The following LARGE1 variants were observed in gnomAD, a reference collection of about 807,000 sequenced individuals.
LARGE1 encodes the protein LARGE xylosyl- and glucuronyltransferase 1, also known as xylosyl- and glucuronyltransferase LARGE1.
Under a neutral mutation model 87.6 loss-of-function variants are expected in LARGE1, and 43 were observed. The observed-to-expected ratio is 0.49, with a 90% CI of 0.38 to 0.63. LARGE1 has a LOEUF of 0.63. Ranked by LOEUF, LARGE1 falls within the 30% of genes least tolerant of loss-of-function variation. The pLI, the probability that LARGE1 is intolerant of heterozygous loss-of-function variation, is 0.00. For missense variants in LARGE1, 802 were observed against 1,000.2 expected (o/e 0.80, Z 2.67); for synonymous variants, 434 against 394.6 (o/e 1.10, Z -1.18).
chr22:33,862,120 C>T (rs1223373151), intron 1 of LARGE1, among the ~76,000 whole-genome samples: 1 of 152,106 alleles, frequency 6.6e-6, no homozygotes, highest in East Asian at 1.9e-4. Flanking sequence ...CTCACCTTCC[C>T]AAAGTGCTGG....
chr22:33,153,768 A>G, the LARGE1 span, among the ~76,000 whole-genome samples: 7,087 of 152,298 alleles, frequency 0.047, 526 homozygotes, highest in African/African-American at 0.16. Flanking sequence ...TGCATAGTTT[A>G]TAAGTGAATT....
chr22:33,222,855 G>C (rs190215084), intron 11 of LARGE1, among the ~76,000 whole-genome samples: 282 of 152,254 alleles, frequency 1.9e-3, no homozygotes, highest in Non-Finnish European at 3.0e-3. Context: ...TTCACACCTA[G>C]AGGGGCCTCC....
the LARGE1 span, among the ~76,000 whole-genome samples, chr22:33,113,155 T>C: frequency 6.6e-6 from 1 of 152,090 alleles, no homozygotes; most frequent in Non-Finnish European, 1.5e-5. Context: ...ACCAACTATA[T>C]GGCAGGAAGT....
At chr22:33,129,964 A>G in the LARGE1 span, among the ~76,000 whole-genome samples, 1 of 152,200 alleles carries the variant, frequency 6.6e-6, no homozygotes, top group Admixed American at 6.5e-5. Context: ...CATCGTGGGA[A>G]GTTAAGTTAA....
rs186144756 is a variant in LARGE1, at chr22:33,723,089, C to T, written c.106+38282G>A. 1.3e-3 allele frequency among the ~76,000 whole-genome samples: 201 copies of T among 152,078 alleles called. 1 individual carries two copies. The highest frequency in any genetic ancestry group is 4.5e-3 in the African/African-American group (186 of 41,496). ...GAGGAAGATTCCTCTGGAATCTATA[C>T]GAAAGGCTGGAGGATAAAAGGAGGC... is the stretch of plus-strand genomic sequence containing the variant. On this transcript the variant is annotated intron_variant, in intron 2 of 14. Coordinates refer to ENST00000397394, the MANE Select transcript of LARGE1 (RefSeq NM_133642.5).
chr22:33,520,087 C>A (rs1407606242), intron 6 of LARGE1, among the ~76,000 whole-genome samples: 1 of 150,020 alleles, frequency 6.7e-6, no homozygotes, highest in Non-Finnish European at 1.5e-5. Context: ...TCACTGCAGC[C>A]TGGATCTCCT....
At chr22:33,312,305 G>T (rs375111030) in intron 11 of LARGE1, among the ~76,000 whole-genome samples, 1 of 152,132 alleles carries the variant, frequency 6.6e-6, no homozygotes, top group African/African-American at 2.4e-5. Flanking sequence ...GCTGGGCCTG[G>T]TGGTGCGCGC....
intron 5 of LARGE1, among the ~76,000 whole-genome samples, chr22:33,586,159 C>T (rs929756507): frequency 2.0e-5 from 3 of 152,004 alleles, no homozygotes; most frequent in South Asian, 2.1e-4. Flanking sequence ...CATTTTTTTC[C>T]GTAGCACAGG....
chr22:33,275,912 C>G (rs548599879), intron 14 of LARGE1, among the ~76,000 whole-genome samples: 46 of 152,296 alleles, frequency 3.0e-4, no homozygotes, highest in Middle Eastern at 3.4e-3. Context: ...GAGTGGCACT[C>G]TGCTCATTCA....
chr22:33,257,776 A>G (rs1399016965), intron 11 of LARGE1, among the ~76,000 whole-genome samples: 1 of 152,204 alleles, frequency 6.6e-6, no homozygotes, highest in Non-Finnish European at 1.5e-5. Flanking sequence ...TCACTCATCC[A>G]CCCATTCATT....
intron 3 of LARGE1, 72 bp downstream of exon 3, chr22:33,650,292 CAGG>C (rs2080752648): frequency 6.4e-7 from 1 of 1,563,490 alleles, no homozygotes; most frequent in Non-Finnish European, 8.8e-7. Context: ...GCTGTGTTTC[CAGG>C]AGGCATTTGC....
chr22:33,711,529 T>C (rs773992330), intron 2 of LARGE1, among the ~76,000 whole-genome samples: 44 of 152,186 alleles, frequency 2.9e-4, no homozygotes, highest in Admixed American at 6.5e-4. Context: ...GACCGATACA[T>C]AGGATGCTGT....
chr22:33,719,381 C>T (rs912570990), intron 2 of LARGE1, among the ~76,000 whole-genome samples: 3 of 152,106 alleles, frequency 2.0e-5, no homozygotes, highest in Admixed American at 1.3e-4. Context: ...CACAGTAATG[C>T]CCTAGCCCTT....
chr22:33,311,659 A>C (rs1482981259), intron 11 of LARGE1, among the ~76,000 whole-genome samples: 2 of 152,228 alleles, frequency 1.3e-5, no homozygotes, highest in Non-Finnish European at 2.9e-5. Context: ...AGGAAGTGGC[A>C]CAAGTGTACT....
intron 6 of LARGE1, among the ~76,000 whole-genome samples, chr22:33,455,335 AC>A (rs979399191): frequency 1.1e-4 from 16 of 152,094 alleles, no homozygotes; most frequent in Non-Finnish European, 1.8e-4. Flanking sequence ...TTGTTCCCAA[AC>A]CTTTTATGTC....
chr22:33,368,650 T>A (rs112067108), intron 9 of LARGE1, among the ~76,000 whole-genome samples: 1,774 of 152,192 alleles, frequency 0.012, 22 homozygotes, highest in African/African-American at 0.035. Flanking sequence ...GTGTGCCTGT[T>A]TGTGTATATG....
chr22:33,113,956 C>T, the LARGE1 span, among the ~76,000 whole-genome samples: 9 of 151,672 alleles, frequency 5.9e-5, no homozygotes, highest in East Asian at 3.9e-4. Flanking sequence ...CTGCAAGCTC[C>T]GCCTCCCGGG....
At chr22:33,486,670 T>A (rs1044725545) in intron 6 of LARGE1, among the ~76,000 whole-genome samples, 1 of 152,170 alleles carries the variant, frequency 6.6e-6, no homozygotes, top group Non-Finnish European at 1.5e-5. Flanking sequence ...TTCATCTAAA[T>A]CTTATTTAAA....
chr22:33,131,033 CAAAAAAAAAAAA>C, the LARGE1 span, among the ~76,000 whole-genome samples: 9 of 70,926 alleles, frequency 1.3e-4, no homozygotes, highest in South Asian at 9.3e-4. Flanking sequence ...GACTCCGTCT[CAAAAAAAAAAAA>C]AAAAAAAAAA....
Sources: allele counts gnomAD v4.1 joint callset (sites outside exome capture counted in the v4.1 genomes callset), GRCh38; gene constraint gnomAD v4.1.1; transcripts MANE v1.5; gene names NCBI Gene and HGNC (gene_info 2026-07-23, HGNC 2026-07-21).